The following FBXL20 variants were observed in gnomAD, a reference collection of about 807,000 sequenced individuals.
FBXL20 encodes the protein F-box and leucine rich repeat protein 20, also known as F-box/LRR-repeat protein 20.
FBXL20 carries 11 observed loss-of-function variants against 64.0 expected under a neutral mutation model. The ratio of observed to expected loss-of-function variants is 0.17; its 90% confidence interval spans 0.11 to 0.28. The LOEUF (loss-of-function observed/expected upper bound fraction) is 0.28. Ranked by LOEUF, FBXL20 falls within the 10% of genes least tolerant of loss-of-function variation. The pLI is 1.00. For missense variants in FBXL20, 303 were observed against 526.2 expected (o/e 0.58, Z 4.15); for synonymous variants, 184 against 189.0 (o/e 0.97, Z 0.22).
chr17:39,281,308 A>G (rs2046948457), intron 9 of FBXL20, 81 bp downstream of exon 9: 3 of 1,254,306 alleles, frequency 2.4e-6, no homozygotes, highest in Non-Finnish European at 3.5e-6. Flanking sequence ...GGTCTTGATG[A>G]CTGAAGCTCT....
At chr17:39,344,195 C>G (rs1412764198) in intron 1 of FBXL20, among the ~76,000 whole-genome samples, 14 of 151,378 alleles carry the variant, frequency 9.2e-5, no homozygotes, top group Non-Finnish European at 5.9e-5. Context: ...CCAAAAAACA[C>G]AAAAAATGAA....
intron 1 of FBXL20, among the ~76,000 whole-genome samples, chr17:39,349,324 CAAAAAAAAAAAAA>C (rs1170336581): frequency 3.5e-4 from 14 of 40,516 alleles, no homozygotes; most frequent in Admixed American, 8.4e-4. Context: ...GATTCCATCT[CAAAAAAAAAAAAA>C]AAAAAAAAAA....
chr17:39,401,461 G>T lies in FBXL20; in HGVS notation c.-59C>A. On this transcript the variant is annotated 5_prime_UTR_variant, in exon 1 of 15. Transcript: ENST00000264658. ...CGGCGAGCGGAGTGCACAGACCGGG[G>T]GCCCAGGACAGGCCCGGGAGTTCCG... The T allele has an allele frequency of 6.5e-7, 1 of 1,548,204 alleles. No individual in the cohort carries two copies.
chr17:39,393,304 A>G (rs1256851516), intron 1 of FBXL20, among the ~76,000 whole-genome samples: 1 of 151,712 alleles, frequency 6.6e-6, no homozygotes, highest in Non-Finnish European at 1.5e-5. Flanking sequence ...AAAAAATAAT[A>G]AATAATAATA....
intron 1 of FBXL20, among the ~76,000 whole-genome samples, chr17:39,356,911 A>G (rs999508609): frequency 1.3e-5 from 2 of 149,646 alleles, no homozygotes; most frequent in Non-Finnish European, 3.0e-5. Flanking sequence ...AGCTCCTCCC[A>G]CTTTGACCTC....
intron 11 of FBXL20, 53 bp downstream of exon 11, chr17:39,270,743 G>C (rs2046836365): frequency 2.8e-6 from 4 of 1,421,798 alleles, no homozygotes; most frequent in Non-Finnish European, 2.9e-6. Context: ...GAAATAAAAA[G>C]CCCTAATAAA....
At chr17:39,306,789 T>C (rs2047187465) in intron 2 of FBXL20, among the ~76,000 whole-genome samples, 1 of 152,230 alleles carries the variant, frequency 6.6e-6, no homozygotes. Context: ...AACAGATTTC[T>C]GATATTTTGA....
At chr17:39,274,882 C>T in intron 10 of FBXL20, 88 bp downstream of exon 10, 2 of 1,568,092 alleles carry the variant, frequency 1.3e-6, no homozygotes, top group Non-Finnish European at 1.7e-6. Flanking sequence ...GCAGTGCCTA[C>T]CTTAAAATTC....
intron 1 of FBXL20, among the ~76,000 whole-genome samples, chr17:39,364,605 G>A (rs2047840722): frequency 6.6e-6 from 1 of 152,068 alleles, no homozygotes; most frequent in African/African-American, 2.4e-5. Flanking sequence ...ACAAGACCCT[G>A]TCTCAAAAAA....
rs545363694 is a variant in FBXL20 at position 39,322,108 on chromosome 17, T to C, written c.105-18469A>G. 2.8e-5 allele frequency among the ~76,000 whole-genome samples: 4 copies of C among 144,214 alleles called. No homozygotes were observed. In the South Asian group the frequency reaches 8.5e-4, roughly 31 times the overall value. The allele number at this position is 144,214 out of a possible 152,430, so 94.6% of individuals were successfully genotyped here. A position where few individuals can be genotyped will look rare whatever the true frequency, so the allele number is the denominator to read the frequency against. On this transcript the variant is annotated intron_variant, in intron 2 of 14. Coordinates refer to ENST00000264658, the MANE Select transcript of FBXL20 (RefSeq NM_032875.3). The stretch of plus-strand genomic sequence containing the variant: ...TGGAAGGCCAAGGCAGGAGGATCAC[T>C]TGAGGGTAGAAGTTCGTGATCAGCC...
At chr17:39,337,526 G>A (rs543889617) in intron 2 of FBXL20, among the ~76,000 whole-genome samples, 143 of 143,388 alleles carry the variant, frequency 1.0e-3, no homozygotes, top group African/African-American at 3.3e-3. Context: ...GCCGCCCATC[G>A]TCTGAGATGT....
In FBXL20 at chr17:39,299,094, G is replaced by A. The variant is rs2047111530; in HGVS notation, c.235-10C>T. The A allele has an allele frequency of 6.3e-7, 1 of 1,588,928 alleles. No individual in the cohort carries two copies. The highest frequency in any genetic ancestry group is 8.6e-7 in the Non-Finnish European group (1 of 1,165,408). On this transcript the variant is annotated splice_polypyrimidine_tract_variant and intron_variant, in intron 4 of 14. Coordinates refer to ENST00000264658, the MANE Select transcript of FBXL20 (RefSeq NM_032875.3). ...TCTCCACTACTCGGCCCTGTAAAAT[G>A]AGACAGGCAAACAAAAAGATAACCC...
intron 2 of FBXL20, among the ~76,000 whole-genome samples, chr17:39,323,795 A>G (rs937440752): frequency 2.1e-5 from 3 of 144,078 alleles, no homozygotes; most frequent in African/African-American, 7.8e-5. Flanking sequence ...TTTTTTTGAG[A>G]TGGGTCTCGC....
At chr17:39,335,964 G>T (rs2047517522) in intron 2 of FBXL20, among the ~76,000 whole-genome samples, 1 of 152,122 alleles carries the variant, frequency 6.6e-6, no homozygotes, top group African/African-American at 2.4e-5. Flanking sequence ...AACAAAGTGA[G>T]TCCCCATCTC....
At position 39,258,599 on chromosome 17, in the gene FBXL20, G is replaced by C. The variant is rs1423802634; in HGVS notation, c.*2861C>G. 1 of 152,212 alleles carries C rather than the reference G, an allele frequency of 6.6e-6. No homozygotes were observed. Among genetic ancestry groups the C allele is most frequent in the African/African-American group, 2.4e-5 (1 of 41,458 alleles). The allele number at this position is 152,212 out of a possible 1,614,324, so 9.4% of individuals were successfully genotyped here. ...GGTATATCCTTTGAGCAGAGAAACA[G>C]CATTTCCAAGATCATCATGAACTGA... On this transcript the variant is annotated 3_prime_UTR_variant, in exon 15 of 15. Transcript: ENST00000264658.
chr17:39,329,511 TG>T (rs1446429978), intron 2 of FBXL20, among the ~76,000 whole-genome samples: 2 of 152,224 alleles, frequency 1.3e-5, no homozygotes, highest in African/African-American at 4.8e-5. Flanking sequence ...ACAGGGTCTC[TG>T]GATTACATAA....
At chr17:39,309,738 GC>G (rs2047214629) in intron 2 of FBXL20, among the ~76,000 whole-genome samples, 1 of 149,022 alleles carries the variant, frequency 6.7e-6, no homozygotes. Flanking sequence ...GTTGCAGTGA[GC>G]CGAGATCATG....
intron 1 of FBXL20, among the ~76,000 whole-genome samples, chr17:39,381,701 A>G (rs886755428): frequency 6.6e-6 from 1 of 150,718 alleles, no homozygotes; most frequent in Non-Finnish European, 1.5e-5. Flanking sequence ...TGAGGTGGGA[A>G]GATTACTGGA....
In FBXL20 at chr17:39,364,857, C is replaced by T. The variant is rs192975842; in HGVS notation, c.43-21616G>A. Among the ~76,000 whole-genome samples the T allele has an allele frequency of 6.6e-3, 1,002 of 152,276 alleles. 4 individuals are homozygous for T. Among genetic ancestry groups the T allele is most frequent in the Non-Finnish European group, 0.011 (751 of 68,024 alleles). Reference sequence around the variant, plus strand: ...AAGCCCCACTCAAGTCACCAAATGACTGCAGTCTTATGAGCGACCTATTGG... The same window carrying T: ...AAGCCCCACTCAAGTCACCAAATGATTGCAGTCTTATGAGCGACCTATTGG... On this transcript the variant is annotated intron_variant, in intron 1 of 14. Transcript: ENST00000264658.
Sources: gnomAD v4.1 joint callset for allele counts (sites outside exome capture counted in the v4.1 genomes callset) on GRCh38, gnomAD v4.1.1 for gene constraint, MANE v1.5 for transcripts, NCBI Gene and HGNC (gene_info 2026-07-23, HGNC 2026-07-21) for gene names.